SPIRE1: variants seen among roughly 807,000 people sequenced by gnomAD.
SPIRE1 encodes the protein protein spire homolog 1.
A neutral mutation model predicts 94.1 loss-of-function variants in SPIRE1; 40 were observed. The ratio of observed to expected loss-of-function variants is 0.43; its 90% CI spans 0.33 to 0.55. The LOEUF (loss-of-function observed/expected upper bound fraction) is 0.55, where lower values mean the gene tolerates loss of function less well. Among genes scored for constraint, SPIRE1 ranks in the 20% least tolerant of loss-of-function variants. SPIRE1 has a pLI of 0.06. For missense variants in SPIRE1, 838 were observed against 975.2 expected (o/e 0.86, Z 1.87); for synonymous variants, 376 against 371.7 (o/e 1.01, Z -0.13).
chr18:12,636,743 C>G (rs1348510698), intron 1 of SPIRE1, among the ~76,000 whole-genome samples: 5 of 152,034 alleles, frequency 3.3e-5, no homozygotes, highest in African/African-American at 1.2e-4. Context: ...AAGTATAAGA[C>G]TGTTATTTTA....
intron 12 of SPIRE1, 38 bp downstream of exon 12, chr18:12,463,313 T>C (rs775496895): frequency 1.5e-5 from 24 of 1,551,618 alleles, no homozygotes; most frequent in Middle Eastern, 3.5e-4. Flanking sequence ...GTCTTCTAGC[T>C]GGTCCCTAAG....
chr18:12,657,091 G>A (rs1418813989), intron 1 of SPIRE1, among the ~76,000 whole-genome samples: 3 of 152,334 alleles, frequency 2.0e-5, no homozygotes, highest in African/African-American at 7.2e-5. Context: ...GGATCCGTGC[G>A]GAGCCCCCGC....
intron 8 of SPIRE1, among the ~76,000 whole-genome samples, chr18:12,491,953 G>A (rs1228638776): frequency 6.6e-6 from 1 of 152,182 alleles, no homozygotes; most frequent in African/African-American, 2.4e-5. Flanking sequence ...ATTATGTTAA[G>A]GTTTCTACAT....
chr18:12,596,509 A>G (rs1378077885), intron 2 of SPIRE1, among the ~76,000 whole-genome samples: 1 of 152,168 alleles, frequency 6.6e-6, no homozygotes, highest in Non-Finnish European at 1.5e-5. Context: ...TTTTTCCCAC[A>G]AAGTTGAAAG....
intron 2 of SPIRE1, among the ~76,000 whole-genome samples, chr18:12,574,502 T>C (rs547470308): frequency 2.0e-4 from 31 of 152,142 alleles, no homozygotes; most frequent in Admixed American, 6.5e-4. Flanking sequence ...CTAGTAGGGA[T>C]AGTGGTAGAA....
Position 12,449,008 on chromosome 18 carries a change from G to A in SPIRE1, c.*630C>T, listed in dbSNP as rs940000243. The A allele has an allele frequency of 6.5e-6, 1 of 152,824 alleles. No individual in the cohort carries two copies. The highest frequency in any genetic ancestry group is 2.4e-5 in the African/African-American group (1 of 41,460). The allele number at this position is 152,824 out of a possible 1,614,324, so 9.5% of individuals were successfully genotyped here. A position where few individuals can be genotyped will look rare whatever the true frequency, so the allele number is the denominator to read the frequency against. ...ACTGGGACAACACGGCCACTCAGGG[G>A]AAATAGTCACCCTTGTGGGTGTACA... On this transcript the variant is annotated 3_prime_UTR_variant, in exon 17 of 17. Coordinates refer to ENST00000409402, the MANE Select transcript of SPIRE1 (RefSeq NM_001128626.2).
At chr18:12,536,420 C>A (rs1014045064) in intron 3 of SPIRE1, among the ~76,000 whole-genome samples, 6 of 151,716 alleles carry the variant, frequency 4.0e-5, no homozygotes, top group African/African-American at 1.2e-4. Context: ...ACATGGTTAC[C>A]AAGAGGGAGA....
chr18:12,576,679 G>A (rs1430288604), intron 2 of SPIRE1, among the ~76,000 whole-genome samples: 1 of 151,084 alleles, frequency 6.6e-6, no homozygotes, highest in African/African-American at 2.4e-5. Context: ...CACGAGGTCA[G>A]GAGATCGAGA....
At chr18:12,646,048 G>C (rs929148779) in intron 1 of SPIRE1, among the ~76,000 whole-genome samples, 3 of 152,172 alleles carry the variant, frequency 2.0e-5, no homozygotes, top group Non-Finnish European at 4.4e-5. Context: ...CAAAAAATGC[G>C]GTAACTGATT....
chr18:12,628,199 A>G (rs2037683606), intron 2 of SPIRE1, among the ~76,000 whole-genome samples: 1 of 152,184 alleles, frequency 6.6e-6, no homozygotes, highest in Non-Finnish European at 1.5e-5. Context: ...CTAACATTTT[A>G]AGTCTTTAAT....
intron 2 of SPIRE1, among the ~76,000 whole-genome samples, chr18:12,629,914 A>G (rs912101327): frequency 6.6e-6 from 1 of 152,198 alleles, no homozygotes; most frequent in Admixed American, 6.5e-5. Context: ...AAGTATATTA[A>G]AACATTTTCC....
chr18:12,568,626 C>T (rs2035876189), intron 2 of SPIRE1, among the ~76,000 whole-genome samples: 1 of 152,126 alleles, frequency 6.6e-6, no homozygotes, highest in Admixed American at 6.5e-5. Flanking sequence ...CACTTGTTAC[C>T]TTGGATTATG....
At position 12,546,609 on chromosome 18, in the gene SPIRE1, G is replaced by T. The variant is rs1333183992; in HGVS notation, c.603+65C>A. On this transcript the variant is annotated intron_variant, in intron 3 of 16. Transcript: ENST00000409402. ...GAGTGAGACCATCTCTCCAGGGGGGGAAAAAAAAGAAGAAGAAATAACAAC... is the reference window on the plus strand; with the variant it reads ...GAGTGAGACCATCTCTCCAGGGGGGTAAAAAAAAGAAGAAGAAATAACAAC... 2.4e-6 allele frequency: 3 copies of T among 1,228,082 alleles called. No individual in the cohort carries two copies. In the African/African-American group the frequency reaches 4.5e-5, roughly 18 times the overall value. The allele number at this position is 1,228,082 out of a possible 1,614,324, so 76.1% of individuals were successfully genotyped here.
chr18:12,511,369 T>G (rs921692908), intron 5 of SPIRE1, among the ~76,000 whole-genome samples: 1 of 152,132 alleles, frequency 6.6e-6, no homozygotes, highest in Non-Finnish European at 1.5e-5. Flanking sequence ...GCACAAACCC[T>G]ACTGTGAACT....
chr18:12,503,383 C>G (rs1215321133), intron 6 of SPIRE1, among the ~76,000 whole-genome samples: 1 of 152,230 alleles, frequency 6.6e-6, no homozygotes, highest in Non-Finnish European at 1.5e-5. Flanking sequence ...TCCATTTCCC[C>G]TGACTTTCCA....
chr18:12,464,764 T>C, intron 11 of SPIRE1, 104 bp downstream of exon 11: 3 of 866,286 alleles, frequency 3.5e-6, no homozygotes, highest in Non-Finnish European at 5.6e-6. Context: ...AGTTAGTTCT[T>C]TCTACCCTAG....
Position 12,577,841 on chromosome 18 carries a change from T to C in SPIRE1, c.373-30937A>G, listed in dbSNP as rs921234078. On this transcript the variant is annotated intron_variant, in intron 2 of 16. Transcript: ENST00000409402. ...TCATCAAGAACTTGAGTCTAGAATG[T>C]ATTTTTTAAAAAACAGAACTCAGTA... Among the ~76,000 whole-genome samples, 11 of 152,208 alleles carry C rather than the reference T, an allele frequency of 7.2e-5. No individual in the cohort carries two copies. The South Asian group carries it at 2.1e-3, about 29-fold the overall frequency.
intron 12 of SPIRE1, among the ~76,000 whole-genome samples, chr18:12,463,048 C>G (rs1228501379): frequency 6.6e-6 from 1 of 152,084 alleles, no homozygotes; most frequent in African/African-American, 2.4e-5. Context: ...CAGGTGTGCA[C>G]TACCACACCT....
At chr18:12,530,646 G>A (rs977977739) in intron 4 of SPIRE1, among the ~76,000 whole-genome samples, 1 of 152,124 alleles carries the variant, frequency 6.6e-6, no homozygotes, top group Non-Finnish European at 1.5e-5. Flanking sequence ...TGAGTAAACA[G>A]AAGTCTTGCA....
Sources: gnomAD v4.1 joint callset for allele counts (sites outside exome capture counted in the v4.1 genomes callset) on GRCh38, gnomAD v4.1.1 for gene constraint, MANE v1.5 for transcripts, NCBI Gene and HGNC (gene_info 2026-07-23, HGNC 2026-07-21) for gene names.